NKIRAS1: variants seen among roughly 807,000 people sequenced by gnomAD.
The protein encoded by NKIRAS1 is NFKB inhibitor interacting Ras like 1, also known as NF-kappa-B inhibitor-interacting Ras-like protein 1.
A neutral mutation model predicts 19.8 loss-of-function variants in NKIRAS1; 16 were observed. That is an observed-to-expected ratio of 0.81 (90% CI 0.55 to 1.23). NKIRAS1 has a LOEUF of 1.23. Among genes scored for constraint, NKIRAS1 ranks in the 50% most tolerant of loss-of-function variants. NKIRAS1 has a pLI of 0.00. For missense variants in NKIRAS1, 184 were observed against 220.0 expected, an observed-to-expected ratio of 0.84 and a Z score of 1.04; for synonymous variants, 88 against 79.0, an observed-to-expected ratio of 1.11 and a Z score of -0.61.
chr3:23,911,621 G>GA (rs1175904639), intron 1 of NKIRAS1, among the ~76,000 whole-genome samples, 171 bp from the exon 2 acceptor site: 1 of 151,962 alleles, frequency 6.6e-6, no homozygotes, highest in Non-Finnish European at 1.5e-5. Context: ...TATTTACCTG[G>GA]AAAAATAAAC....
chr3:23,930,597 C>T (rs1705296710), intron 1 of NKIRAS1, among the ~76,000 whole-genome samples: 1 of 152,122 alleles, frequency 6.6e-6, no homozygotes, highest in South Asian at 2.1e-4. Flanking sequence ...ATTAAATTTA[C>T]AGACAATAAC....
rs1705222204 is a variant in NKIRAS1, at chr3:23,926,804, G to C, written c.-139-15354C>G. Among the ~76,000 whole-genome samples the C allele has an allele frequency of 6.6e-6, 1 of 152,100 alleles. No individual in the cohort carries two copies. The highest frequency in any genetic ancestry group is 1.5e-5 in the Non-Finnish European group (1 of 68,010). On this transcript the variant is annotated intron_variant, in intron 1 of 4. Coordinates refer to the NKIRAS1 transcript ENST00000421515. This position sits in a 1 kb window ranked among gnomAD's most constrained non-coding sequence, Gnocchi z 4.3. The stretch of plus-strand genomic sequence containing the variant: ...TTTAGTTTTCCATTTGCTGCAATTT[G>C]GCTGCATCTTTTGCCAAACTGTTGG...
chr3:23,912,009 C>T (rs2125422237), intron 1 of NKIRAS1, among the ~76,000 whole-genome samples: 1 of 151,774 alleles, frequency 6.6e-6, no homozygotes, highest in East Asian at 1.9e-4. Context: ...AGTGATCCGC[C>T]TGCCTTGGCC....
intron 3 of NKIRAS1, among the ~76,000 whole-genome samples, chr3:23,903,927 G>C (rs2125390207): frequency 6.6e-6 from 1 of 152,318 alleles, no homozygotes; most frequent in East Asian, 1.9e-4. Context: ...CACTTTGGGA[G>C]GCCAAGGTGG....
chr3:23,915,764 G>C (rs1704304702), intron 1 of NKIRAS1, among the ~76,000 whole-genome samples: 1 of 152,038 alleles, frequency 6.6e-6, no homozygotes, highest in South Asian at 2.1e-4. Context: ...CCCTCTGCCT[G>C]AATCAGACCC....
Position 23,892,691 on chromosome 3 carries a change from A to ACAAAGT in NKIRAS1, c.*398_*403dup, listed in dbSNP as rs1701558666. On this transcript the variant is annotated 3_prime_UTR_variant, in exon 5 of 5. Coordinates refer to ENST00000425478, the MANE Select transcript of NKIRAS1 (RefSeq NM_020345.4). ...CATTAGATTAATGAACTTTTTAAAA[A>ACAAAGT]CAAAGTCATGTTTGGGCTTAGAAGT... The ACAAAGT allele has an allele frequency of 6.5e-6, 1 of 153,528 alleles. No individual in the cohort carries two copies. The highest frequency in any genetic ancestry group is 2.1e-4 in the South Asian group (1 of 4,844). The allele number at this position is 153,528 out of a possible 1,614,324, so 9.5% of individuals were successfully genotyped here. A position where few individuals can be genotyped will look rare whatever the true frequency, so the allele number is the denominator to read the frequency against.
At chr3:23,941,316 C>T (rs922427625) in intron 1 of NKIRAS1, among the ~76,000 whole-genome samples, 6 of 152,166 alleles carry the variant, frequency 3.9e-5, no homozygotes, top group Non-Finnish European at 8.8e-5. Flanking sequence ...TAAGAGGACT[C>T]TTAACATTTA....
chr3:23,925,528 G>GA (rs1249913457), intron 1 of NKIRAS1, among the ~76,000 whole-genome samples: 1 of 152,158 alleles, frequency 6.6e-6, no homozygotes, highest in Non-Finnish European at 1.5e-5. Flanking sequence ...CAGCTACTCA[G>GA]GAGGCTAAGG....
At chr3:23,897,177 G>A (rs1312471989) in intron 4 of NKIRAS1, among the ~76,000 whole-genome samples, 2 of 151,966 alleles carry the variant, frequency 1.3e-5, no homozygotes, top group African/African-American at 4.8e-5. Context: ...CTCAAGTCTG[G>A]GCAACAGAGC....
chr3:23,919,349 G>A (rs1704939907), upstream of NKIRAS1: 1 of 1,602,694 alleles, frequency 6.2e-7, no homozygotes, highest in Non-Finnish European at 8.5e-7. Context: ...CACCAAACCA[G>A]TCCACAAGCA....
Position 23,890,468 on chromosome 3 carries a change from C to A in NKIRAS1, c.*2627G>T, listed in dbSNP as rs1254845451. ...ACTATTCGCTAAAGTTTAAAATGTT[C>A]TTTTCCTTTCTCCAAAGTAATCTAC... On this transcript the variant is annotated 3_prime_UTR_variant, in exon 5 of 5. Coordinates refer to ENST00000425478, the MANE Select transcript of NKIRAS1 (RefSeq NM_020345.4). The A allele has an allele frequency of 1.3e-6, 2 of 1,589,080 alleles. No individual in the cohort carries two copies. The highest frequency in any genetic ancestry group is 2.7e-5 in the African/African-American group (2 of 73,790).
upstream of NKIRAS1, chr3:23,919,584 A>G: frequency 7.0e-7 from 1 of 1,431,480 alleles, no homozygotes; most frequent in Non-Finnish European, 9.1e-7. Context: ...TGTCTGTTAA[A>G]ACTAGTCTGC....
At position 23,926,513 on chromosome 3, in the gene NKIRAS1, CT is replaced by C. The variant is rs896331377; in HGVS notation, c.-139-15064del. 3.3e-5 allele frequency among the ~76,000 whole-genome samples: 5 copies of C among 150,508 alleles called. No individual in the cohort carries two copies. The highest frequency in any genetic ancestry group is 4.9e-5 in the African/African-American group (2 of 40,972). ...CTTTCCTCTTCCTCTTCTTCCTCTT[CT>C]TTTTTTTTGTGTCATTCTCTAGTAG... is the stretch of plus-strand genomic sequence containing the variant. On this transcript the variant is annotated intron_variant, in intron 1 of 4. Coordinates refer to the NKIRAS1 transcript ENST00000421515. The surrounding 1 kb of genome is among the most constrained non-coding windows in gnomAD (Gnocchi z 4.3).
At position 23,893,157 on chromosome 3, in the gene NKIRAS1, T is replaced by C. The variant is rs144795972; in HGVS notation, c.517A>G (p.Ser173Gly). 1.4e-5 allele frequency: 23 copies of C among 1,610,404 alleles called. No homozygotes were observed. In the African/African-American group the frequency reaches 2.5e-4, roughly 18 times the overall value. The change falls in exon 5 of 5, where the codon AGC (serine) becomes GGC (glycine). Residue 173 changes from serine (S) to glycine (G), a missense_variant. Physicochemically the swap from Ser to Gly is moderately conservative, Grantham distance 56. Transcript: ENST00000425478. ...LLASKLSQPQ[S>G]KSSFPLPGRK... ...CCAGGCAAAGGAAAGCTTGATTTGC[T>C]CTGGGGTTGAGAAAGTTTACTGGCT...
rs1705229255 is a variant in NKIRAS1 at position 23,927,414 on chromosome 3, G to A, written c.-139-15964C>T. Among the ~76,000 whole-genome samples, 1 of 152,222 alleles carries A rather than the reference G, an allele frequency of 6.6e-6. No individual in the cohort carries two copies. Among genetic ancestry groups the A allele is most frequent in the South Asian group, 2.1e-4 (1 of 4,830 alleles). On this transcript the variant is annotated intron_variant, in intron 1 of 4. Transcript: ENST00000421515. This position sits in a 1 kb window ranked among gnomAD's most constrained non-coding sequence, Gnocchi z 4.0. Reference sequence around the variant, plus strand: ...ACTGCGAAGGTGCTATAGTTGGCTTGTGACATTAAACCTCATAATCAAAGC... The same window carrying A: ...ACTGCGAAGGTGCTATAGTTGGCTTATGACATTAAACCTCATAATCAAAGC...
intron 1 of NKIRAS1, among the ~76,000 whole-genome samples, chr3:23,940,970 T>C (rs1308784746): frequency 6.6e-6 from 1 of 152,194 alleles, no homozygotes; most frequent in Non-Finnish European, 1.5e-5. Flanking sequence ...GTTTTAAATG[T>C]CTCTGTTTTC....
chr3:23,927,021 A>G lies in NKIRAS1; in HGVS notation c.-139-15571T>C, dbSNP rs1052825600. 5.9e-5 allele frequency among the ~76,000 whole-genome samples: 9 copies of G among 152,156 alleles called. No homozygotes were observed. The highest frequency in any genetic ancestry group is 8.8e-5 in the Non-Finnish European group (6 of 68,030). Reference sequence around the variant, plus strand: ...AGTTTTTAACCAAGCAACACTCTCCACAGCCCCAACATCATTCCAGTTCAG... The same window carrying G: ...AGTTTTTAACCAAGCAACACTCTCCGCAGCCCCAACATCATTCCAGTTCAG... On this transcript the variant is annotated intron_variant, in intron 1 of 4. Transcript: ENST00000421515. The surrounding 1 kb of genome is among the most constrained non-coding windows in gnomAD (Gnocchi z 4.0).
intron 1 of NKIRAS1, among the ~76,000 whole-genome samples, chr3:23,914,534 G>A (rs565278356): frequency 6.6e-6 from 1 of 152,228 alleles, no homozygotes; most frequent in Non-Finnish European, 1.5e-5. Context: ...TATTCAACAG[G>A]TTTTGCACAC....
At chr3:23,928,371 T>G (rs965867615) in intron 1 of NKIRAS1, among the ~76,000 whole-genome samples, 2 of 151,908 alleles carry the variant, frequency 1.3e-5, no homozygotes, top group Admixed American at 6.6e-5. Context: ...TTAGTAACTC[T>G]CCAATCCCCC....
Sources: allele counts gnomAD v4.1 joint callset (sites outside exome capture counted in the v4.1 genomes callset), GRCh38; gene constraint gnomAD v4.1.1; non-coding constraint Gnocchi (gnomAD v3.1); transcripts MANE v1.5; gene names NCBI Gene and HGNC (gene_info 2026-07-23, HGNC 2026-07-21).